Variants in SIK3 observed in about 807,000 individuals in gnomAD.
SIK3 encodes serine/threonine-protein kinase SIK3.
Under a neutral mutation model 144.2 loss-of-function variants are expected in SIK3, and 28 were observed. That is an observed-to-expected ratio of 0.19 (90% CI 0.14 to 0.27). The LOEUF (loss-of-function observed/expected upper bound fraction) is 0.27. Ranked by LOEUF, SIK3 falls within the 10% of genes least tolerant of loss-of-function variation. The pLI is 1.00. For synonymous variants in SIK3, 686 were observed against 676.3 expected, an observed-to-expected ratio of 1.01 and a Z score of -0.22; for missense variants, 1,319 against 1,776.0, an observed-to-expected ratio of 0.74 and a Z score of 4.62.
intron 1 of SIK3, among the ~76,000 whole-genome samples, chr11:116,998,325 G>T (rs1040920193): frequency 2.6e-4 from 40 of 152,002 alleles, no homozygotes; most frequent in African/African-American, 9.6e-4. Flanking sequence ...CAAAAAATTA[G>T]CCAGGCATGG....
intron 13 of SIK3, among the ~76,000 whole-genome samples, chr11:116,871,943 A>G (rs2134517854): frequency 6.6e-6 from 1 of 152,304 alleles, no homozygotes; most frequent in African/African-American, 2.4e-5. Context: ...ATGTACACGT[A>G]TGTGTAGAAC....
intron 1 of SIK3, among the ~76,000 whole-genome samples, chr11:117,033,903 T>C (rs1952379709): frequency 6.6e-6 from 1 of 152,090 alleles, no homozygotes; most frequent in African/African-American, 2.4e-5. Flanking sequence ...TTGATAACAG[T>C]ATATGAAATG....
chr11:116,944,147 G>A (rs1009443270), intron 3 of SIK3, among the ~76,000 whole-genome samples: 7 of 152,032 alleles, frequency 4.6e-5, no homozygotes, highest in Non-Finnish European at 8.8e-5. Flanking sequence ...TAAGAGTTGC[G>A]TTTAATAGAA....
chr11:116,990,976 G>A (rs1950480724), intron 1 of SIK3, among the ~76,000 whole-genome samples: 3 of 152,198 alleles, frequency 2.0e-5, no homozygotes, highest in Non-Finnish European at 4.4e-5. Context: ...CAAGAGCTGT[G>A]CTTTACATAT....
At chr11:117,061,846 G>A (rs1446132298) in intron 1 of SIK3, among the ~76,000 whole-genome samples, 2 of 151,714 alleles carry the variant, frequency 1.3e-5, no homozygotes, top group African/African-American at 2.4e-5. Flanking sequence ...CTGATGATAC[G>A]TTACAAAAAA....
intron 1 of SIK3, among the ~76,000 whole-genome samples, chr11:117,001,780 G>A (rs1950860694): frequency 6.6e-6 from 1 of 152,148 alleles, no homozygotes; most frequent in South Asian, 2.1e-4. Context: ...TTGCTTGAAT[G>A]ATTACAATAG....
intron 4 of SIK3, 144 bp downstream of exon 4, chr11:116,927,075 C>A: frequency 3.7e-6 from 2 of 539,752 alleles, no homozygotes; most frequent in Non-Finnish European, 3.0e-6. Context: ...TATCAATTTT[C>A]AGGCTATTTT....
chr11:117,065,506 T>C (rs1953971037), intron 1 of SIK3, among the ~76,000 whole-genome samples: 1 of 152,174 alleles, frequency 6.6e-6, no homozygotes, highest in African/African-American at 2.4e-5. Context: ...CTGTATTTCA[T>C]TTGAGGGCAT....
chr11:116,895,335 C>G (rs1945340261), intron 6 of SIK3, among the ~76,000 whole-genome samples: 1 of 152,204 alleles, frequency 6.6e-6, no homozygotes, highest in African/African-American at 2.4e-5. Flanking sequence ...GTCCCTTTCT[C>G]CATGAAGGGG....
At position 116,843,957 on chromosome 11, in the gene SIK3, C is replaced by T. The variant is rs2134242993; in HGVS notation, c.*1686G>A. On this transcript the variant is annotated 3_prime_UTR_variant, in exon 25 of 25. Transcript: ENST00000445177. ...AGAAGGACAAGGTGCATGGGGATCC[C>T]GCCAGCAACATCAGGATGGCCATGC... The T allele has an allele frequency of 6.6e-6, 1 of 152,174 alleles. No individual in the cohort carries two copies. Among genetic ancestry groups the T allele is most frequent in the South Asian group, 2.1e-4 (1 of 4,822 alleles). 9.4% of individuals were successfully genotyped at this position (152,174 alleles called of 1,614,324 possible).
intron 3 of SIK3, among the ~76,000 whole-genome samples, chr11:116,939,151 G>C (rs1037564743): frequency 3.3e-5 from 5 of 151,974 alleles, no homozygotes; most frequent in Non-Finnish European, 5.9e-5. Context: ...CTTCTTTTTT[G>C]TTTTGTTTTG....
At chr11:116,985,436 A>C (rs7110113) in intron 1 of SIK3, among the ~76,000 whole-genome samples, 10,764 of 152,298 alleles carry the variant, frequency 0.071, 675 homozygotes, top group African/African-American at 0.17. Context: ...AATTCATTAC[A>C]GCCTAGAAAT....
chr11:116,878,052 C>G (rs1032554672), intron 6 of SIK3, among the ~76,000 whole-genome samples: 6 of 152,190 alleles, frequency 3.9e-5, no homozygotes. Context: ...ACCTGGTTCT[C>G]TTAACCACAA....
intron 1 of SIK3, among the ~76,000 whole-genome samples, chr11:117,021,643 ACTAT>A (rs1205080337): frequency 6.6e-6 from 1 of 152,054 alleles, no homozygotes; most frequent in Non-Finnish European, 1.5e-5. Flanking sequence ...TTTGCTTACC[ACTAT>A]CTTTGTCAAC....
At chr11:117,074,594 A>T (rs190829359) in intron 1 of SIK3, among the ~76,000 whole-genome samples, 70 of 152,254 alleles carry the variant, frequency 4.6e-4, no homozygotes, top group Non-Finnish European at 8.4e-4. Flanking sequence ...ATATTTTTTT[A>T]AATCCTCTAG....
In SIK3 at chr11:116,862,214, C is replaced by G. The variant is rs751227308; in HGVS notation, c.2217G>C (p.Gln739His). 4.3e-6 allele frequency: 7 copies of G among 1,614,200 alleles called. No individual in the cohort carries two copies. The East Asian group carries it at 1.6e-4, about 36-fold the overall frequency. Residue 739 changes from glutamine to histidine, a missense_variant, in exon 17 of 25, where the codon CAG becomes CAC. By Grantham distance (24) the Gln-to-His change is conservative. This residue lies in a region of SIK3 where 77 missense variants were observed against 141.9 expected (regional missense o/e 0.54). Coordinates refer to ENST00000445177, the MANE Select transcript of SIK3 (RefSeq NM_001366686.3). ...YQQEQHHQIL[Q>H]QQIQDSICPP... ...AGTGAGGGCCTACTTGAATTTGTTG[C>G]TGGAGAATTTGATGGTGCTGCTCCT...
chr11:117,097,762 C>T (rs1190096221), intron 1 of SIK3, among the ~76,000 whole-genome samples: 1 of 152,090 alleles, frequency 6.6e-6, no homozygotes, highest in Non-Finnish European at 1.5e-5. Context: ...TATGCCCCTG[C>T]CCTCATTCCC....
chr11:116,980,135 A>G (rs1950088627), intron 1 of SIK3, among the ~76,000 whole-genome samples: 1 of 152,230 alleles, frequency 6.6e-6, no homozygotes, highest in Non-Finnish European at 1.5e-5. Context: ...TAAACCCATC[A>G]TAAGTTGAAA....
At chr11:116,878,017 G>T (rs1208646438) in intron 6 of SIK3, among the ~76,000 whole-genome samples, 1 of 152,170 alleles carries the variant, frequency 6.6e-6, no homozygotes, top group South Asian at 2.1e-4. Flanking sequence ...TGGCTATTAA[G>T]TCAAACCAGA....
Sources: gnomAD v4.1 joint callset for allele counts (sites outside exome capture counted in the v4.1 genomes callset) on GRCh38, gnomAD v4.1.1 for gene constraint, gnomAD v4.1.1 regional missense constraint, MANE v1.5 for transcripts, NCBI Gene and HGNC (gene_info 2026-07-23, HGNC 2026-07-21) for gene names.